The following TENM3 variants were observed in gnomAD, a reference collection of about 807,000 sequenced individuals.
TENM3 encodes teneurin transmembrane protein 3, also known as teneurin-3.
In TENM3, 63 loss-of-function variants were observed where a neutral mutation model predicts 255.1. The observed-to-expected ratio is 0.25, with a 90% CI of 0.20 to 0.30. TENM3 has a LOEUF of 0.30. Among genes scored for constraint, TENM3 ranks in the 10% least tolerant of loss-of-function variants. The probability of loss-of-function intolerance (pLI) is 1.00; values close to 1 mark genes in which losing one functional copy is unlikely to be tolerated. For missense variants in TENM3, 2,929 were observed against 3,461.1 expected (o/e 0.85, Z 3.86); for synonymous variants, 1,306 against 1,322.3 (o/e 0.99, Z 0.27).
At chr4:181,760,710 T>G in the TENM3 span, among the ~76,000 whole-genome samples, 1 of 152,038 alleles carries the variant, frequency 6.6e-6, no homozygotes, top group African/African-American at 2.4e-5. Flanking sequence ...TATTCCCTTG[T>G]GATCTGCCTG....
intron 5 of TENM3, among the ~76,000 whole-genome samples, chr4:182,651,678 C>G (rs1753308870): frequency 6.6e-6 from 1 of 150,900 alleles, no homozygotes; most frequent in Non-Finnish European, 1.5e-5. Flanking sequence ...TCCTGGGTGA[C>G]AGAGCGAGAC....
At chr4:182,751,602 A>G (rs1218961419) in intron 19 of TENM3, among the ~76,000 whole-genome samples, 198 bp from the exon 20 acceptor site, 2 of 152,260 alleles carry the variant, frequency 1.3e-5, no homozygotes, top group Non-Finnish European at 2.9e-5. Flanking sequence ...GAAGGCAAAC[A>G]GTAATATCAG....
chr4:181,856,280 A>C, the TENM3 span, among the ~76,000 whole-genome samples: 1 of 152,120 alleles, frequency 6.6e-6, no homozygotes, highest in Non-Finnish European at 1.5e-5. Flanking sequence ...GAAATCTGGG[A>C]CCTTGGACAA....
chr4:182,326,054 A>T (rs1763380152), intron 2 of TENM3, among the ~76,000 whole-genome samples: 1 of 152,196 alleles, frequency 6.6e-6, no homozygotes, highest in Non-Finnish European at 1.5e-5. Flanking sequence ...ACTCCTTCCA[A>T]GCCAAGGACT....
the TENM3 span, among the ~76,000 whole-genome samples, chr4:181,774,028 T>TA: frequency 4.6e-5 from 4 of 86,894 alleles, no homozygotes; most frequent in African/African-American, 1.1e-4. Flanking sequence ...TTTTTTTTTT[T>TA]ATTATACTCT....
At chr4:181,988,166 A>G in the TENM3 span, among the ~76,000 whole-genome samples, 1 of 151,866 alleles carries the variant, frequency 6.6e-6, no homozygotes, top group Admixed American at 6.6e-5. Flanking sequence ...GCCTTCCTTC[A>G]CTATCGTATC....
Position 182,653,906 on chromosome 4 carries a change from A to G in TENM3, c.1111+13A>G. 1.2e-6 allele frequency: 2 copies of G among 1,602,898 alleles called. No individual in the cohort carries two copies. The highest frequency in any genetic ancestry group is 1.7e-6 in the Non-Finnish European group (2 of 1,175,092). On this transcript the variant is annotated intron_variant, in intron 6 of 27. Coordinates refer to ENST00000511685, the MANE Select transcript of TENM3 (RefSeq NM_001080477.4). The stretch of plus-strand genomic sequence containing the variant: ...TCTGGAGACAATGGTAAGCGAAAGA[A>G]TTATGTATCCTGTGTTTCTCTTTTA...
chr4:181,612,563 G>A, the TENM3 span, among the ~76,000 whole-genome samples: 1 of 151,914 alleles, frequency 6.6e-6, no homozygotes, highest in Non-Finnish European at 1.5e-5. Flanking sequence ...CTTCTTCATT[G>A]CCAGTATGGT....
intron 4 of TENM3, among the ~76,000 whole-genome samples, chr4:182,622,115 CT>C (rs1390146072): frequency 1.3e-5 from 2 of 151,978 alleles, no homozygotes; most frequent in Non-Finnish European, 2.9e-5. Flanking sequence ...AATCCCAGCA[CT>C]TTGGGAGGCC....
chr4:182,099,664 T>A, the TENM3 span, among the ~76,000 whole-genome samples: 1 of 152,200 alleles, frequency 6.6e-6, no homozygotes, highest in African/African-American at 2.4e-5. Flanking sequence ...TACAAGGGCA[T>A]CCTTGAGTCA....
At chr4:181,629,283 C>T in the TENM3 span, among the ~76,000 whole-genome samples, 3 of 152,176 alleles carry the variant, frequency 2.0e-5, no homozygotes, top group Non-Finnish European at 4.4e-5. Flanking sequence ...CATCTGCAAA[C>T]AGGGCCAATT....
At chr4:182,126,324 TCTC>T in the TENM3 span, among the ~76,000 whole-genome samples, 1 of 152,110 alleles carries the variant, frequency 6.6e-6, no homozygotes, top group Non-Finnish European at 1.5e-5. Context: ...AGGTCACACT[TCTC>T]CACCACACCT....
intron 3 of TENM3, among the ~76,000 whole-genome samples, chr4:182,383,035 C>T (rs1440155567): frequency 2.0e-5 from 3 of 152,164 alleles, no homozygotes; most frequent in Admixed American, 6.5e-5. Flanking sequence ...AGAATTGTTG[C>T]AACTGGTGTC....
chr4:182,527,378 C>G (rs936499239), intron 3 of TENM3, among the ~76,000 whole-genome samples: 1 of 151,586 alleles, frequency 6.6e-6, no homozygotes, highest in African/African-American at 2.4e-5. Context: ...TCAAGTCATT[C>G]AGAAGAATCG....
chr4:182,391,354 G>A (rs1332123983), intron 3 of TENM3, among the ~76,000 whole-genome samples: 1 of 152,116 alleles, frequency 6.6e-6, no homozygotes, highest in Non-Finnish European at 1.5e-5. Context: ...ATCAAACCCA[G>A]ATGTCCTCAG....
chr4:181,449,784 A>G, the TENM3 span, among the ~76,000 whole-genome samples: 1 of 152,134 alleles, frequency 6.6e-6, no homozygotes, highest in Admixed American at 6.5e-5. Flanking sequence ...GTGAGACTCC[A>G]TCTCAAAAAA....
chr4:181,657,822 A>G, the TENM3 span, among the ~76,000 whole-genome samples: 97 of 152,118 alleles, frequency 6.4e-4, no homozygotes, highest in African/African-American at 2.3e-3. Context: ...AAACAAATCT[A>G]TGTCTTTTGC....
At chr4:182,515,116 A>C (rs1204867827) in intron 3 of TENM3, among the ~76,000 whole-genome samples, 2 of 152,206 alleles carry the variant, frequency 1.3e-5, no homozygotes, top group Middle Eastern at 3.2e-3. Flanking sequence ...GTGAAAAAGC[A>C]ATTTCAGTAG....
chr4:182,349,218 G>A (rs1349336577), intron 3 of TENM3, among the ~76,000 whole-genome samples: 1 of 152,134 alleles, frequency 6.6e-6, no homozygotes, highest in Admixed American at 6.5e-5. Flanking sequence ...GTTTGGTTGT[G>A]GTTGTACTTT....
Sources: allele counts gnomAD v4.1 joint callset (sites outside exome capture counted in the v4.1 genomes callset), GRCh38; gene constraint gnomAD v4.1.1; transcripts MANE v1.5; gene names NCBI Gene and HGNC (gene_info 2026-07-23, HGNC 2026-07-21).